PRCP: variants seen among roughly 807,000 people sequenced by gnomAD.
PRCP encodes lysosomal Pro-X carboxypeptidase.
A neutral mutation model predicts 54.2 loss-of-function variants in PRCP; 46 were observed. The ratio of observed to expected loss-of-function variants is 0.85; its 90% CI spans 0.67 to 1.09. The LOEUF (loss-of-function observed/expected upper bound fraction) is 1.09, where lower values mean the gene tolerates loss of function less well. PRCP is among the 50% of genes least tolerant of loss of function. The pLI, the probability that PRCP is intolerant of heterozygous loss-of-function variation, is 0.00. For missense variants in PRCP, 613 were observed against 596.8 expected, an observed-to-expected ratio of 1.03 and a Z score of -0.28; for synonymous variants, 240 against 212.2, an observed-to-expected ratio of 1.13 and a Z score of -1.14.
chr11:82,833,520 T>C (rs1858443231), intron 8 of PRCP, among the ~76,000 whole-genome samples: 1 of 152,178 alleles, frequency 6.6e-6, no homozygotes, highest in South Asian at 2.1e-4. Flanking sequence ...TCAATCATTG[T>C]GGAAGATAGT....
intron 6 of PRCP, among the ~76,000 whole-genome samples, chr11:82,845,046 A>C (rs1022286550): frequency 1.5e-5 from 2 of 133,492 alleles, no homozygotes; most frequent in African/African-American, 6.3e-5. Context: ...AAAAAAAAAA[A>C]AACAACTGTA....
intron 1 of PRCP, among the ~76,000 whole-genome samples, chr11:82,877,673 T>G (rs1232195302): frequency 6.6e-6 from 1 of 152,242 alleles, no homozygotes; most frequent in African/African-American, 2.4e-5. Flanking sequence ...TGGGATCCTC[T>G]GCCTAGATTT....
At chr11:82,893,968 T>A (rs113874682) in intron 1 of PRCP, among the ~76,000 whole-genome samples, 3,177 of 152,304 alleles carry the variant, frequency 0.021, 133 homozygotes, top group African/African-American at 0.072. Context: ...TAATAATGCA[T>A]TAGACACATT....
intron 6 of PRCP, among the ~76,000 whole-genome samples, chr11:82,845,289 AAAGTTTT>A (rs1858780892): frequency 6.6e-6 from 1 of 152,202 alleles, no homozygotes; most frequent in African/African-American, 2.4e-5. Context: ...GATTTGTTTA[AAAGTTTT>A]AAGTGTTCCT....
chr11:82,841,692 T>C (rs1310073637), intron 6 of PRCP, among the ~76,000 whole-genome samples: 3 of 152,174 alleles, frequency 2.0e-5, no homozygotes, highest in Non-Finnish European at 4.4e-5. Context: ...GAAGAGAGAA[T>C]TGAGCTAAAC....
chr11:82,861,280 T>C (rs1460695522), intron 1 of PRCP, among the ~76,000 whole-genome samples: 2 of 152,186 alleles, frequency 1.3e-5, no homozygotes, highest in Admixed American at 6.5e-5. Flanking sequence ...AAATGTCAGC[T>C]AATGTGGAAG....
chr11:82,853,539 A>G (rs1859010859), intron 2 of PRCP, among the ~76,000 whole-genome samples: 6 of 152,188 alleles, frequency 3.9e-5, no homozygotes, highest in Admixed American at 3.9e-4. Flanking sequence ...TTTTATCCTG[A>G]CACTCTAGCC....
At chr11:82,877,127 T>G (rs926179441) in intron 1 of PRCP, among the ~76,000 whole-genome samples, 1 of 152,140 alleles carries the variant, frequency 6.6e-6, no homozygotes, top group Admixed American at 6.5e-5. Flanking sequence ...CCCTAGAGAT[T>G]TGTGGAGCTT....
chr11:82,865,913 AG>A (rs1463828616), intron 1 of PRCP, among the ~76,000 whole-genome samples: 1 of 152,140 alleles, frequency 6.6e-6, no homozygotes, highest in African/African-American at 2.4e-5. Flanking sequence ...CATGGAAGGA[AG>A]GTGGAGTTTA....
At chr11:82,848,700 A>T (rs1487127353) in intron 6 of PRCP, among the ~76,000 whole-genome samples, 1 of 152,260 alleles carries the variant, frequency 6.6e-6, no homozygotes, top group African/African-American at 2.4e-5. Context: ...TTACACATAT[A>T]TCACAAAGAT....
At chr11:82,901,325 C>T (rs566043381), upstream of PRCP, 57 of 208,126 alleles carry the variant, frequency 2.7e-4, no homozygotes, top group African/African-American at 1.2e-3. Context: ...CGCTCCACCC[C>T]CCTCCTGCCT....
In PRCP at chr11:82,900,226, C is replaced by G. The variant is rs1323104400; in HGVS notation, c.168+9G>C. The G allele has an allele frequency of 2.0e-5, 33 of 1,613,874 alleles. No individual in the cohort carries two copies. Among genetic ancestry groups the G allele is most frequent in the Non-Finnish European group, 2.6e-5 (31 of 1,179,850 alleles). Reference sequence around the variant, plus strand: ...GGCCTGGGACGGCGAAGCCCCCGCTCCCCCTTACCTTCTGTTGGAAGTAGA... The same window carrying G: ...GGCCTGGGACGGCGAAGCCCCCGCTGCCCCTTACCTTCTGTTGGAAGTAGA... On this transcript the variant is annotated intron_variant, in intron 1 of 8. Coordinates refer to ENST00000313010, the MANE Select transcript of PRCP (RefSeq NM_005040.4).
rs192504044 is a variant in PRCP, at chr11:82,840,149, C to T, written c.922-724G>A. 1.1e-3 allele frequency: 173 copies of T among 152,128 alleles called. 1 individual carries two copies. The highest frequency in any genetic ancestry group is 4.0e-3 in the African/African-American group (166 of 41,504). 9.4% of individuals were successfully genotyped at this position (152,128 alleles called of 1,614,324 possible). A position where few individuals can be genotyped will look rare whatever the true frequency, so the allele number is the denominator to read the frequency against. On this transcript the variant is annotated intron_variant, in intron 6 of 8. Transcript: ENST00000313010. ...ATAAAAAGCATATGCTGCAACTCCC[C>T]AGCTCCCAAATATTCCTATCACTAT...
chr11:82,848,999 A>G, intron 6 of PRCP, 50 bp downstream of exon 6: 1 of 1,393,048 alleles, frequency 7.2e-7, no homozygotes, highest in Non-Finnish European at 9.8e-7. Context: ...TATGCACATT[A>G]AAAAAAAAGT....
At chr11:82,880,729 T>C (rs1266387291) in intron 1 of PRCP, among the ~76,000 whole-genome samples, 2 of 151,374 alleles carry the variant, frequency 1.3e-5, no homozygotes, top group Non-Finnish European at 1.5e-5. Context: ...CCTGCTATTA[T>C]GCAAGAGCAA....
chr11:82,897,527 G>A (rs537999022), intron 1 of PRCP, among the ~76,000 whole-genome samples: 3 of 152,306 alleles, frequency 2.0e-5, no homozygotes, highest in South Asian at 4.1e-4. Context: ...TCAAAGATTC[G>A]CAGAAGAGGT....
At chr11:82,900,675 C>A, upstream of PRCP, 1 of 615,718 alleles carries the variant, frequency 1.6e-6, no homozygotes, top group East Asian at 3.4e-5. Context: ...CACCCCAAGT[C>A]TGCCCTTATC....
At chr11:82,888,023 T>G (rs1859907592) in intron 1 of PRCP, among the ~76,000 whole-genome samples, 1 of 152,216 alleles carries the variant, frequency 6.6e-6, no homozygotes, top group Non-Finnish European at 1.5e-5. Flanking sequence ...TCCCCTGAGT[T>G]TTTTGGGTCT....
chr11:82,887,894 A>G (rs1364967499), intron 1 of PRCP, among the ~76,000 whole-genome samples: 1 of 152,214 alleles, frequency 6.6e-6, no homozygotes, highest in African/African-American at 2.4e-5. Flanking sequence ...CAGAACAGAT[A>G]GACCTTGCTG....
Sources: gnomAD v4.1 joint callset for allele counts (sites outside exome capture counted in the v4.1 genomes callset) on GRCh38, gnomAD v4.1.1 for gene constraint, MANE v1.5 for transcripts, NCBI Gene and HGNC (gene_info 2026-07-23, HGNC 2026-07-21) for gene names.